AKR1C8: variants seen among roughly 807,000 people sequenced by gnomAD.
AKR1C8 encodes aldo-keto reductase family 1 member C8.
At chr10:5,156,786 T>A in the AKR1C8 span, among the ~76,000 whole-genome samples, 1 of 152,210 alleles carries the variant, frequency 6.6e-6, no homozygotes, top group Non-Finnish European at 1.5e-5. Context: ...ATACTTAATC[T>A]AGAACTACAA....
the AKR1C8 span, among the ~76,000 whole-genome samples, chr10:5,167,414 G>T: frequency 1.3e-5 from 2 of 152,346 alleles, no homozygotes; most frequent in East Asian, 3.9e-4. Context: ...ACTGGATTAA[G>T]AAAATGCGGC....
At chr10:5,163,729 C>T in the AKR1C8 span, among the ~76,000 whole-genome samples, 2 of 152,336 alleles carry the variant, frequency 1.3e-5, no homozygotes, top group Non-Finnish European at 2.9e-5. Flanking sequence ...CCACAAATCT[C>T]TGGCCCATTC....
At chr10:5,136,359 C>T in the AKR1C8 span, among the ~76,000 whole-genome samples, 623 of 152,146 alleles carry the variant, frequency 4.1e-3, 5 homozygotes, top group African/African-American at 0.013. Context: ...ACCAGCCTGG[C>T]GAATATGACG....
the AKR1C8 span, among the ~76,000 whole-genome samples, chr10:5,182,787 G>A: frequency 6.6e-6 from 1 of 151,894 alleles, no homozygotes; most frequent in Admixed American, 6.6e-5. Context: ...GCATGCACCT[G>A]TAGTCCCAGC....
At chr10:5,123,636 G>C in the AKR1C8 span, 11 of 1,368,170 alleles carry the variant, frequency 8.0e-6, no homozygotes, top group Non-Finnish European at 1.1e-5. Flanking sequence ...GTAAACTCCA[G>C]GAAAGAGAGT....
chr10:5,159,333 G>A, the AKR1C8 span, among the ~76,000 whole-genome samples: 11 of 152,276 alleles, frequency 7.2e-5, no homozygotes, highest in Non-Finnish European at 1.3e-4. Flanking sequence ...CGATGAGTAA[G>A]CCATTAGGAA....
chr10:5,166,369 G>A, the AKR1C8 span, among the ~76,000 whole-genome samples: 1 of 152,162 alleles, frequency 6.6e-6, no homozygotes, highest in South Asian at 2.1e-4. Flanking sequence ...GAGGCATCAT[G>A]CTACCTGACT....
At chr10:5,171,429 G>A in the AKR1C8 span, among the ~76,000 whole-genome samples, 2 of 151,686 alleles carry the variant, frequency 1.3e-5, no homozygotes, top group African/African-American at 4.8e-5. Context: ...TATAACTTTG[G>A]GACACATACA....
At chr10:5,127,506 G>A in the AKR1C8 span, among the ~76,000 whole-genome samples, 51 of 152,120 alleles carry the variant, frequency 3.4e-4, no homozygotes, top group African/African-American at 1.2e-3. Context: ...ATCACTTGAG[G>A]TCAGGAGTTC....
At chr10:5,144,388 T>TTCAC in the AKR1C8 span, among the ~76,000 whole-genome samples, 1 of 152,138 alleles carries the variant, frequency 6.6e-6, no homozygotes, top group South Asian at 2.1e-4. Context: ...AACTTTAAAG[T>TTCAC]AGTTTTTTCC....
chr10:5,115,818 T>A, the AKR1C8 span, among the ~76,000 whole-genome samples: 1 of 152,058 alleles, frequency 6.6e-6, no homozygotes, highest in Non-Finnish European at 1.5e-5. Flanking sequence ...AAATGAAGAT[T>A]TTTTTTAGTA....
At chr10:5,149,309 T>C in the AKR1C8 span, among the ~76,000 whole-genome samples, 2 of 152,092 alleles carry the variant, frequency 1.3e-5, no homozygotes, top group Non-Finnish European at 1.5e-5. Context: ...CAAATAATGA[T>C]AGAAACAATT....
At chr10:5,158,260 A>T in the AKR1C8 span, among the ~76,000 whole-genome samples, 2 of 152,238 alleles carry the variant, frequency 1.3e-5, no homozygotes, top group African/African-American at 4.8e-5. Flanking sequence ...TTGGGAGATA[A>T]CAAGTTTGTA....
At chr10:5,164,409 C>CA in the AKR1C8 span, among the ~76,000 whole-genome samples, 1 of 151,884 alleles carries the variant, frequency 6.6e-6, no homozygotes, top group Non-Finnish European at 1.5e-5. Context: ...GGTGGTAAGT[C>CA]AAAAAACTTT....
the AKR1C8 span, among the ~76,000 whole-genome samples, chr10:5,170,942 G>A: frequency 3.9e-5 from 6 of 152,090 alleles, no homozygotes; most frequent in Non-Finnish European, 8.8e-5. Flanking sequence ...TTTTGTTTAT[G>A]GGAGTAAACT....
chr10:5,133,089 C>T, the AKR1C8 span, among the ~76,000 whole-genome samples: 2 of 151,926 alleles, frequency 1.3e-5, no homozygotes, highest in Admixed American at 1.3e-4. Flanking sequence ...TTTATTATTA[C>T]TATTATTATT....
At chr10:5,170,352 C>T in the AKR1C8 span, among the ~76,000 whole-genome samples, 1 of 152,050 alleles carries the variant, frequency 6.6e-6, no homozygotes, top group Non-Finnish European at 1.5e-5. Flanking sequence ...TCTTCAGTTT[C>T]CCATTTTTAT....
chr10:5,116,252 G>T, the AKR1C8 span, among the ~76,000 whole-genome samples: 1 of 151,974 alleles, frequency 6.6e-6, no homozygotes, highest in Non-Finnish European at 1.5e-5. Context: ...TTGACTTAAA[G>T]GTAGGAGGAA....
the AKR1C8 span, among the ~76,000 whole-genome samples, chr10:5,159,628 C>T: frequency 6.6e-6 from 1 of 152,130 alleles, no homozygotes; most frequent in African/African-American, 2.4e-5. Flanking sequence ...TGGACCATCC[C>T]GAGCTCCAGA....
Sources: allele counts gnomAD v4.1 joint callset (sites outside exome capture counted in the v4.1 genomes callset), GRCh38; gene constraint gnomAD v4.1.1; transcripts MANE v1.5; gene names NCBI Gene and HGNC (gene_info 2026-07-23, HGNC 2026-07-21).